The following CELA2A variants were observed in gnomAD, a reference collection of about 807,000 sequenced individuals.
CELA2A encodes the protein chymotrypsin like elastase 2A.
CELA2A carries 31 observed loss-of-function variants against 35.3 expected under a neutral mutation model. The ratio of observed to expected loss-of-function variants is 0.88; its 90% CI spans 0.66 to 1.19. The LOEUF is 1.19. CELA2A is among the 50% of genes most tolerant of loss of function. CELA2A has a pLI of 0.00. For synonymous variants in CELA2A, 150 were observed against 149.8 expected (o/e 1.00, Z -0.01); for missense variants, 330 against 352.9 (o/e 0.94, Z 0.52).
intron 2 of CELA2A, 68 bp from the exon 3 acceptor site, chr1:15,461,493 G>C: frequency 6.4e-7 from 1 of 1,569,224 alleles, no homozygotes; most frequent in Non-Finnish European, 8.8e-7. Flanking sequence ...CCCGTTCTTG[G>C]GAAACTGGAG....
intron 5 of CELA2A, among the ~76,000 whole-genome samples, chr1:15,465,740 T>C (rs931618511): frequency 6.6e-6 from 1 of 152,098 alleles, no homozygotes; most frequent in Non-Finnish European, 1.5e-5. Context: ...GCCAACAGCT[T>C]CCCAGAATTA....
In CELA2A at chr1:15,457,498, A is replaced by T. The variant is rs933593858; in HGVS notation, c.129+324A>T. ...GGTGGCACACGCCTGTAATCCCAGC[A>T]ACTGGGGAGGCTTAGGCAGGAGGAT... On this transcript the variant is annotated intron_variant, in intron 2 of 7. Transcript: ENST00000359621. 5.7e-5 allele frequency: 14 copies of T among 245,484 alleles called. No homozygotes were observed. The East Asian group carries it at 1.3e-3, about 22-fold the overall frequency. 15.2% of individuals were successfully genotyped at this position (245,484 alleles called of 1,614,324 possible).
intron 4 of CELA2A, among the ~76,000 whole-genome samples, 158 bp from the exon 5 acceptor site, chr1:15,463,228 G>T (rs867603319): frequency 6.6e-6 from 1 of 152,266 alleles, no homozygotes; most frequent in East Asian, 1.9e-4. Context: ...CTTTCAACAA[G>T]GCCCTCTGCA....
Position 15,461,553 on chromosome 1 carries a change from C to T in CELA2A, c.130-8C>T. ...ACCTAGCCACAGAGCTCCTTTGCTT[C>T]TCCCCAGGTCTCCCTGCAGTACAGC... On this transcript the variant is annotated splice_region_variant and splice_polypyrimidine_tract_variant and intron_variant, in intron 2 of 7. Coordinates refer to ENST00000359621, the MANE Select transcript of CELA2A (RefSeq NM_033440.3). 6.2e-7 allele frequency: 1 copy of T among 1,612,066 alleles called. No individual in the cohort carries two copies. Among genetic ancestry groups the T allele is most frequent in the South Asian group, 1.1e-5 (1 of 90,990 alleles).
Position 15,463,519 on chromosome 1 carries a change from C to G in CELA2A, c.490C>G (p.Gln164Glu). Residue 164 changes from glutamine to glutamate, a missense_variant, in exon 5 of 8, where the codon CAG becomes GAG. Coordinates refer to ENST00000359621, the MANE Select transcript of CELA2A (RefSeq NM_033440.3). ...CTACGTCACGGGCTGGGGAAGGCTG[C>G]AGAGTAAGTGGGAGCCAGGAGCCCC... ...PCYVTGWGRL[Q>E]TNGAVPDVLQ... The G allele has an allele frequency of 1.2e-6, 2 of 1,613,386 alleles. No homozygotes were observed. The highest frequency in any genetic ancestry group is 1.7e-6 in the Non-Finnish European group (2 of 1,179,562).
intron 5 of CELA2A, among the ~76,000 whole-genome samples, chr1:15,465,305 G>A (rs770175659): frequency 1.7e-4 from 26 of 151,964 alleles, no homozygotes; most frequent in Non-Finnish European, 3.7e-4. Context: ...CACCGCGCCC[G>A]ACCGACACTT....
intron 7 of CELA2A, 83 bp from the exon 8 acceptor site, chr1:15,471,907 A>C: frequency 6.4e-7 from 1 of 1,562,280 alleles, no homozygotes; most frequent in Non-Finnish European, 8.8e-7. Flanking sequence ...TGAGTAGCTT[A>C]GCCCAGGAGG....
chr1:15,458,036 A>G (rs527850883), intron 2 of CELA2A, among the ~76,000 whole-genome samples: 10 of 152,350 alleles, frequency 6.6e-5, no homozygotes, highest in African/African-American at 2.2e-4. Flanking sequence ...AAACAAATAT[A>G]GTGAAATCTC....
chr1:15,467,132 A>G (rs1301241981), intron 6 of CELA2A, among the ~76,000 whole-genome samples: 1 of 152,204 alleles, frequency 6.6e-6, no homozygotes, highest in Non-Finnish European at 1.5e-5. Context: ...GATGCTACGA[A>G]TATTTACCTC....
chr1:15,462,838 G>A lies in CELA2A; in HGVS notation c.333G>A (p.Trp111Ter). 1 of 1,614,132 alleles carries A rather than the reference G, an allele frequency of 6.2e-7. No individual in the cohort carries two copies. The highest frequency in any genetic ancestry group is 8.5e-7 in the Non-Finnish European group (1 of 1,180,010). Residue 111 changes from tryptophan (W) to a stop codon, truncating the protein, a stop_gained, in exon 4 of 8, where the codon TGG becomes TGA. Transcript: ENST00000359621. LOFTEE classifies it high-confidence loss of function. ...CTAAGATTGTGGTGCACAAGGACTG[G>A]AACTCCAACCAAATCTCCAAAGGGT... ...SVSKIVVHKD[W>*]NSNQISKGND... is the part of the protein sequence containing the mutation.
At chr1:15,463,125 A>G (rs1708462763) in intron 4 of CELA2A, 2 of 710,412 alleles carry the variant, frequency 2.8e-6, no homozygotes, top group Non-Finnish European at 4.6e-6. Context: ...CTGAGCATGT[A>G]TCTACTTCAT....
chr1:15,467,793 T>C (rs889631757), intron 7 of CELA2A, among the ~76,000 whole-genome samples: 4 of 152,096 alleles, frequency 2.6e-5, no homozygotes, highest in Non-Finnish European at 5.9e-5. Flanking sequence ...CTCAGGCATA[T>C]GAAGAGTGAG....
chr1:15,466,147 G>T lies in CELA2A; in HGVS notation c.639+3G>T, dbSNP rs371765202. 1.9e-6 allele frequency: 3 copies of T among 1,613,406 alleles called. No individual in the cohort carries two copies. Among genetic ancestry groups the T allele is most frequent in the Non-Finnish European group, 2.5e-6 (3 of 1,179,618 alleles). On this transcript the variant is annotated splice_donor_region_variant and intron_variant, in intron 6 of 7. Transcript: ENST00000359621. ...ATGGCGTGATCTCCAGCTGCAACGT[G>T]AGTACCAAAATCAGGGGCTCCGCTC... is the stretch of plus-strand genomic sequence containing the variant.
chr1:15,466,034 C>A lies in CELA2A; in HGVS notation c.529C>A (p.Arg177=). The A allele has an allele frequency of 6.2e-7, 1 of 1,614,146 alleles. No individual in the cohort carries two copies. The highest frequency in any genetic ancestry group is 2.2e-5 in the East Asian group (1 of 44,882). ...GAVPDVLQQG[R]LLVVDYATCS... is the part of the protein sequence containing the mutation. ...TGTTCCTGATGTCCTGCAGCAGGGC[C>A]GGTTGCTGGTTGTGGACTATGCCAC... The change falls in exon 6 of 8, where the codon CGG becomes AGG. Residue 177 remains arginine (R), a synonymous_variant. Coordinates refer to ENST00000359621, the MANE Select transcript of CELA2A (RefSeq NM_033440.3).
intron 7 of CELA2A, among the ~76,000 whole-genome samples, chr1:15,468,046 T>G (rs1006807969): frequency 6.9e-6 from 1 of 144,294 alleles, no homozygotes; most frequent in African/African-American, 2.6e-5. Flanking sequence ...GAGCCAAAAT[T>G]GCACCATTGC....
chr1:15,471,970 T>C lies in CELA2A; in HGVS notation c.793-20T>C. 1 of 1,614,102 alleles carries C rather than the reference T, an allele frequency of 6.2e-7. No homozygotes were observed. On this transcript the variant is annotated intron_variant, in intron 7 of 7. Transcript: ENST00000359621. Reference sequence around the variant, plus strand: ...CTCTGCGGTTAGGTGAACCTGACGATTATCTTGTGTGTCCTGCAGGTGATT... The same window carrying C: ...CTCTGCGGTTAGGTGAACCTGACGACTATCTTGTGTGTCCTGCAGGTGATT...
intron 3 of CELA2A, chr1:15,462,095 T>C (rs755454047): frequency 5.9e-5 from 28 of 474,586 alleles, no homozygotes; most frequent in Admixed American, 3.0e-4. Flanking sequence ...TGAAAGCTAA[T>C]TCTGAATTAT....
At chr1:15,468,088 A>G (rs1166747748) in intron 7 of CELA2A, among the ~76,000 whole-genome samples, 5 of 110,694 alleles carry the variant, frequency 4.5e-5, no homozygotes, top group African/African-American at 1.2e-4. Context: ...GTGAAACTCC[A>G]TCTAAAAAAA....
intron 6 of CELA2A, 72 bp downstream of exon 6, chr1:15,466,216 C>T (rs143519688): frequency 1.5e-5 from 23 of 1,517,152 alleles, no homozygotes; most frequent in Non-Finnish European, 1.9e-5. Flanking sequence ...AGGTCCATCC[C>T]TCCATAGGTC....
Sources: gnomAD v4.1 joint callset for allele counts (sites outside exome capture counted in the v4.1 genomes callset) on GRCh38, gnomAD v4.1.1 for gene constraint, MANE v1.5 for transcripts, NCBI Gene and HGNC (gene_info 2026-07-23, HGNC 2026-07-21) for gene names.